The following PDE4B variants were observed in gnomAD, a reference collection of about 807,000 sequenced individuals.
PDE4B encodes 3',5'-cyclic-AMP phosphodiesterase 4B.
PDE4B carries 20 observed loss-of-function variants against 82.2 expected under a neutral mutation model. That is an observed-to-expected ratio of 0.24 (90% CI 0.17 to 0.35). PDE4B has a LOEUF of 0.35. PDE4B is among the 10% of genes least tolerant of loss of function. PDE4B has a pLI of 1.00. For missense variants in PDE4B, 655 were observed against 907.2 expected (o/e 0.72, Z 3.57); for synonymous variants, 320 against 318.9 (o/e 1.00, Z -0.04).
rs115404825 is a variant in PDE4B, at chr1:66,083,280, G to A, written c.282-164180G>A. ...TCTGAAGCTATCTGCTAACTTATAAGACCACCCACCATCAGTCCCCAGCCT... is the reference window on the plus strand; with the variant it reads ...TCTGAAGCTATCTGCTAACTTATAAAACCACCCACCATCAGTCCCCAGCCT... On this transcript the variant is annotated intron_variant, in intron 3 of 16. Transcript: ENST00000341517. Among the ~76,000 whole-genome samples the A allele has an allele frequency of 6.3e-3, 952 of 152,030 alleles. 12 individuals carry two copies. The highest frequency in any genetic ancestry group is 0.022 in the African/African-American group (906 of 41,456).
At chr1:65,812,273 G>A (rs1214827536) in intron 1 of PDE4B, among the ~76,000 whole-genome samples, 3 of 152,170 alleles carry the variant, frequency 2.0e-5, no homozygotes, top group African/African-American at 7.2e-5. Flanking sequence ...TGCTCTGAGA[G>A]TTCCTTTTCT....
chr1:66,153,581 GC>G (rs910793521), intron 3 of PDE4B, among the ~76,000 whole-genome samples: 85 of 152,138 alleles, frequency 5.6e-4, no homozygotes, highest in Middle Eastern at 3.4e-3. Flanking sequence ...CTTTTTCTGT[GC>G]CCTGTGCTGT....
intron 3 of PDE4B, among the ~76,000 whole-genome samples, chr1:66,114,266 T>C (rs1645547288): frequency 6.6e-6 from 1 of 152,202 alleles, no homozygotes; most frequent in Non-Finnish European, 1.5e-5. Flanking sequence ...AATGAATTTC[T>C]ACTGTTTATG....
At chr1:66,320,971 A>G (rs530324960) in intron 7 of PDE4B, among the ~76,000 whole-genome samples, 1 of 152,190 alleles carries the variant, frequency 6.6e-6, no homozygotes, top group Non-Finnish European at 1.5e-5. Flanking sequence ...AGAAACAACT[A>G]TTATACAATC....
At chr1:65,912,998 C>G (rs1323263321) in intron 1 of PDE4B, among the ~76,000 whole-genome samples, 1 of 152,084 alleles carries the variant, frequency 6.6e-6, no homozygotes, top group Non-Finnish European at 1.5e-5. Context: ...TATTTGGGAG[C>G]CTAATTGTTA....
chr1:66,005,300 G>A (rs199651352), intron 3 of PDE4B, among the ~76,000 whole-genome samples: 2 of 324 alleles, frequency 6.2e-3, no homozygotes, highest in South Asian at 0.25. Context: ...ATCACTTTTA[G>A]CTTCCTGCAG....
intron 7 of PDE4B, among the ~76,000 whole-genome samples, chr1:66,281,433 G>A (rs574297707): frequency 1.3e-5 from 2 of 152,354 alleles, no homozygotes; most frequent in African/African-American, 4.8e-5. Flanking sequence ...AGATCTGGAA[G>A]AAAATGGAGT....
chr1:66,191,578 C>G (rs1049833901), intron 3 of PDE4B, among the ~76,000 whole-genome samples: 1 of 151,952 alleles, frequency 6.6e-6, no homozygotes, highest in African/African-American at 2.4e-5. Flanking sequence ...CAATAATGAC[C>G]CTACTTATGT....
At chr1:66,047,946 G>A (rs534964011) in intron 3 of PDE4B, among the ~76,000 whole-genome samples, 2 of 151,910 alleles carry the variant, frequency 1.3e-5, no homozygotes, top group Non-Finnish European at 2.9e-5. Context: ...AGAGCTAATG[G>A]CTGTTAAGTG....
intron 3 of PDE4B, among the ~76,000 whole-genome samples, chr1:66,081,410 C>T (rs571044351): frequency 2.7e-4 from 41 of 152,180 alleles, no homozygotes; most frequent in African/African-American, 8.7e-4. Flanking sequence ...TCTACACTTT[C>T]CACATAGAAT....
chr1:66,273,171 C>T (rs74826148), intron 7 of PDE4B, among the ~76,000 whole-genome samples: 4,321 of 152,240 alleles, frequency 0.028, 192 homozygotes, highest in East Asian at 0.23. Context: ...TAGAATTTTG[C>T]TCTCTTTCTT....
intron 7 of PDE4B, among the ~76,000 whole-genome samples, chr1:66,278,176 A>G (rs1656032589): frequency 6.6e-6 from 1 of 152,358 alleles, no homozygotes; most frequent in Admixed American, 6.5e-5. Flanking sequence ...AAGGAAAGAG[A>G]GGTAGTGCAA....
chr1:66,132,658 G>A (rs1346000372), intron 3 of PDE4B, among the ~76,000 whole-genome samples: 1 of 152,160 alleles, frequency 6.6e-6, no homozygotes. Flanking sequence ...GAGACTGCGT[G>A]ACTGGATTAT....
chr1:66,253,121 A>T (rs1044774371), intron 4 of PDE4B, among the ~76,000 whole-genome samples: 3 of 152,196 alleles, frequency 2.0e-5, no homozygotes, highest in Non-Finnish European at 4.4e-5. Flanking sequence ...TTTTCACAGA[A>T]CCCTGTTTGA....
Position 66,247,557 on chromosome 1 carries a change from CA to C in PDE4B, c.380del (p.His127ProfsTer38). 6.2e-7 allele frequency: 1 copy of C among 1,612,638 alleles called. No individual in the cohort carries two copies. Among genetic ancestry groups the C allele is most frequent in the Non-Finnish European group, 8.5e-7 (1 of 1,179,178 alleles). On this transcript the variant is annotated frameshift_variant, in exon 4 of 17. Transcript: ENST00000341517. LOFTEE classifies it high-confidence loss of function. ...GLVLHATFPG[H>X]SQRRESFLYR... is the part of the protein sequence containing the mutation. ...GGTACTTCACGCCACCTTTCCTGGG[CA>C]CAGCCAGCGCAGAGAGTCATTTCTC...
At chr1:66,164,327 G>C (rs151295978) in intron 3 of PDE4B, among the ~76,000 whole-genome samples, 2,120 of 151,980 alleles carry the variant, frequency 0.014, 41 homozygotes, top group African/African-American at 0.049. Flanking sequence ...ACAAGGTCAG[G>C]AGTTCGAAAC....
intron 3 of PDE4B, among the ~76,000 whole-genome samples, chr1:66,212,957 G>A (rs998321876): frequency 1.3e-5 from 2 of 152,182 alleles, no homozygotes; most frequent in Non-Finnish European, 2.9e-5. Context: ...CCATAATGTG[G>A]TACATACCGC....
intron 3 of PDE4B, among the ~76,000 whole-genome samples, chr1:66,188,392 T>C (rs1647385737): frequency 6.6e-6 from 1 of 151,774 alleles, no homozygotes; most frequent in Non-Finnish European, 1.5e-5. Context: ...GGTATCCTTG[T>C]TAACTTTCTG....
In PDE4B at chr1:66,363,085, A is replaced by G. The variant is rs1181758459; in HGVS notation, c.1021-83A>G. ...GACACTCTAAAGACTTAAACAGCCA[A>G]TGTCCAAAAAATAAATTAAAAAAAT... On this transcript the variant is annotated intron_variant, in intron 10 of 16. Transcript: ENST00000341517. The G allele has an allele frequency of 2.1e-5, 19 of 897,226 alleles. No homozygotes were observed. In the East Asian group the frequency reaches 4.4e-4, roughly 21 times the overall value. 55.6% of individuals were successfully genotyped at this position (897,226 alleles called of 1,614,324 possible).
Sources: allele counts gnomAD v4.1 joint callset (sites outside exome capture counted in the v4.1 genomes callset), GRCh38; gene constraint gnomAD v4.1.1; transcripts MANE v1.5; gene names NCBI Gene and HGNC (gene_info 2026-07-23, HGNC 2026-07-21).